Variants in GRID2 observed in about 807,000 individuals in gnomAD.
The protein encoded by GRID2 is glutamate receptor ionotropic, delta-2.
Under a neutral mutation model 114.8 loss-of-function variants are expected in GRID2, and 33 were observed. The observed-to-expected ratio is 0.29, with a 90% CI of 0.22 to 0.38. The LOEUF is 0.38. Among genes scored for constraint, GRID2 ranks in the 10% least tolerant of loss-of-function variants. The pLI, the probability that GRID2 is intolerant of heterozygous loss-of-function variation, is 1.00. For missense variants in GRID2, 1,184 were observed against 1,257.7 expected, an observed-to-expected ratio of 0.94 and a Z score of 0.89; for synonymous variants, 505 against 449.9, an observed-to-expected ratio of 1.12 and a Z score of -1.55.
intron 2 of GRID2, among the ~76,000 whole-genome samples, chr4:92,833,319 G>A (rs1742242798): frequency 6.6e-6 from 1 of 152,152 alleles, no homozygotes; most frequent in Non-Finnish European, 1.5e-5. Context: ...AGAGTCTAAA[G>A]TTATACAAGA....
At chr4:92,986,884 T>C (rs943556052) in intron 2 of GRID2, among the ~76,000 whole-genome samples, 1 of 152,148 alleles carries the variant, frequency 6.6e-6, no homozygotes, top group African/African-American at 2.4e-5. Context: ...TCTTAGAAAA[T>C]GTGGACAGCT....
chr4:93,238,516 C>T (rs557637589), intron 8 of GRID2, 26 bp downstream of exon 8: 63 of 1,591,808 alleles, frequency 4.0e-5, no homozygotes, highest in African/African-American at 2.6e-4. Context: ...CTGATTAATA[C>T]GCTTTTTCCT....
intron 1 of GRID2, among the ~76,000 whole-genome samples, chr4:92,384,501 TA>T (rs1304746431): frequency 7.3e-5 from 3 of 41,194 alleles, no homozygotes; most frequent in Non-Finnish European, 1.2e-4. Context: ...AATAAAAATA[TA>T]TATTATATAT....
intron 1 of GRID2, among the ~76,000 whole-genome samples, chr4:92,576,387 T>G (rs547088489): frequency 2.0e-5 from 3 of 152,320 alleles, no homozygotes; most frequent in South Asian, 4.1e-4. Context: ...CCATCTCCTC[T>G]CAGGCAGGCT....
At chr4:93,762,326 C>A (rs992464573) in intron 14 of GRID2, among the ~76,000 whole-genome samples, 2 of 152,076 alleles carry the variant, frequency 1.3e-5, no homozygotes, top group African/African-American at 4.8e-5. Context: ...TTACATAAAA[C>A]TCATAAGTAG....
chr4:93,422,612 T>C (rs946716070), intron 9 of GRID2, among the ~76,000 whole-genome samples, 159 bp from the exon 10 acceptor site: 3 of 152,222 alleles, frequency 2.0e-5, no homozygotes, highest in Non-Finnish European at 4.4e-5. Context: ...CATTGTTAAA[T>C]AATATGATGC....
chr4:93,763,810 T>G (rs1396544410), intron 14 of GRID2, among the ~76,000 whole-genome samples: 1 of 152,180 alleles, frequency 6.6e-6, no homozygotes, highest in East Asian at 1.9e-4. Context: ...GTCTGCAACC[T>G]TTCCCATTCT....
At position 93,049,150 on chromosome 4, in the gene GRID2, T is replaced by C. The variant is rs1044349048; in HGVS notation, c.245-35845T>C. ...GGCTCCACAAAGCATTATAGAATGA[T>C]ATGTTTCTTCAGATTCTGCACTCTT... On this transcript the variant is annotated intron_variant, in intron 2 of 15. Coordinates refer to ENST00000282020, the MANE Select transcript of GRID2 (RefSeq NM_001510.4). 2.0e-5 allele frequency among the ~76,000 whole-genome samples: 3 copies of C among 152,096 alleles called. No individual in the cohort carries two copies. The South Asian group carries it at 6.2e-4, about 31-fold the overall frequency.
intron 9 of GRID2, among the ~76,000 whole-genome samples, chr4:93,402,493 A>C (rs1455885769): frequency 6.6e-6 from 1 of 152,190 alleles, no homozygotes; most frequent in Non-Finnish European, 1.5e-5. Context: ...ATGAGTGATC[A>C]TAAAAGTCTA....
chr4:92,685,119 G>A (rs1733837253), intron 2 of GRID2, among the ~76,000 whole-genome samples: 1 of 151,950 alleles, frequency 6.6e-6, no homozygotes, highest in Non-Finnish European at 1.5e-5. Context: ...CTATTAAATA[G>A]ATTAATGAAT....
At chr4:92,436,159 C>T (rs1272109961) in intron 1 of GRID2, among the ~76,000 whole-genome samples, 2 of 152,116 alleles carry the variant, frequency 1.3e-5, no homozygotes, top group Admixed American at 1.3e-4. Context: ...ATTAAATTCT[C>T]AGTTTCCTTT....
intron 4 of GRID2, among the ~76,000 whole-genome samples, chr4:93,131,824 C>G (rs1734832896): frequency 6.6e-6 from 1 of 152,098 alleles, no homozygotes; most frequent in South Asian, 2.1e-4. Flanking sequence ...GTTCTCATCT[C>G]TGCACAAATG....
chr4:93,216,872 A>G lies in GRID2; in HGVS notation c.924A>G (p.Thr308=). Residue 308 remains threonine (T), a synonymous_variant, in exon 6 of 16, where the codon ACA becomes ACG. Transcript: ENST00000282020. ...CFRGNHRISS[T]LCDPKDPFAQ... Reference sequence around the variant, plus strand: ...GTGGCAACCATCGAATATCTTCAACATTGTGTGATCCAAAGGATCCATTTG... The same window carrying G: ...GTGGCAACCATCGAATATCTTCAACGTTGTGTGATCCAAAGGATCCATTTG... The G allele has an allele frequency of 6.2e-7, 1 of 1,613,132 alleles. No individual in the cohort carries two copies. Among genetic ancestry groups the G allele is most frequent in the Non-Finnish European group, 8.5e-7 (1 of 1,179,174 alleles).
chr4:93,380,376 A>G (rs1183018339), intron 8 of GRID2, among the ~76,000 whole-genome samples: 1 of 151,710 alleles, frequency 6.6e-6, no homozygotes, highest in Non-Finnish European at 1.5e-5. Flanking sequence ...CTTTGATTTC[A>G]TATCTGTCCT....
intron 1 of GRID2, among the ~76,000 whole-genome samples, chr4:92,353,589 T>C (rs1560582704): frequency 6.6e-6 from 1 of 152,070 alleles, no homozygotes; most frequent in Non-Finnish European, 1.5e-5. Context: ...CCTTGAAGTC[T>C]CTGTTCCTTA....
intron 2 of GRID2, among the ~76,000 whole-genome samples, chr4:92,903,122 T>A (rs2149482457): frequency 6.6e-6 from 1 of 152,092 alleles, no homozygotes; most frequent in Middle Eastern, 3.4e-3. Flanking sequence ...GGAATTGCAT[T>A]GAATCAGAAG....
At chr4:92,760,612 T>C (rs1479907370) in intron 2 of GRID2, among the ~76,000 whole-genome samples, 1 of 152,170 alleles carries the variant, frequency 6.6e-6, no homozygotes, top group Non-Finnish European at 1.5e-5. Flanking sequence ...CTCCTTCCTC[T>C]CACACACTGC....
At chr4:93,507,824 C>A (rs930977230) in intron 12 of GRID2, among the ~76,000 whole-genome samples, 2 of 152,128 alleles carry the variant, frequency 1.3e-5, no homozygotes, top group African/African-American at 4.8e-5. Flanking sequence ...TTTTATTTGC[C>A]TTGCCTCTGA....
chr4:93,739,970 G>T (rs1312962487), intron 14 of GRID2, among the ~76,000 whole-genome samples: 1 of 152,026 alleles, frequency 6.6e-6, no homozygotes, highest in Non-Finnish European at 1.5e-5. Context: ...GAATTTTCTT[G>T]AAAGACAAAT....
Sources: allele counts gnomAD v4.1 joint callset (sites outside exome capture counted in the v4.1 genomes callset), GRCh38; gene constraint gnomAD v4.1.1; transcripts MANE v1.5; gene names NCBI Gene and HGNC (gene_info 2026-07-23, HGNC 2026-07-21).